OSM: variants seen among roughly 807,000 people sequenced by gnomAD.
OSM encodes oncostatin-M.
In OSM, 1 loss-of-function variant was observed where a neutral mutation model predicts 6.3. The ratio of observed to expected loss-of-function variants is 0.16; its 90% CI spans 0.06 to 0.76. The LOEUF is 0.76. OSM is among the 30% of genes least tolerant of loss of function. The pLI is 0.77. For missense variants in OSM, 324 were observed against 336.9 expected, an observed-to-expected ratio of 0.96 and a Z score of 0.30; for synonymous variants, 135 against 143.4, an observed-to-expected ratio of 0.94 and a Z score of 0.42.
chr22:30,263,752 A>C lies in OSM; in HGVS notation c.*131T>G. On this transcript the variant is annotated 3_prime_UTR_variant, in exon 3 of 3. Transcript: ENST00000215781. ...GGGGTCTGCCCAGCTCCCACCTCTT[A>C]AAGTGCACTTCTCAGTGGCTAGTAG... The C allele has an allele frequency of 1.5e-6, 1 of 659,466 alleles. No individual in the cohort carries two copies. The highest frequency in any genetic ancestry group is 2.8e-5 in the East Asian group (1 of 35,948). 40.9% of individuals were successfully genotyped at this position (659,466 alleles called of 1,614,324 possible). A position where few individuals can be genotyped will look rare whatever the true frequency, so the allele number is the denominator to read the frequency against.
Position 30,266,810 on chromosome 22 carries a change from C to A in OSM, c.-11G>T. On this transcript the variant is annotated 5_prime_UTR_variant, in exon 1 of 3. Coordinates refer to ENST00000215781, the MANE Select transcript of OSM (RefSeq NM_020530.6). The surrounding 1 kb of genome is among the most constrained non-coding windows in gnomAD (Gnocchi z 5.0). ...GAGCAGTACCCCCATGCTGGGTGCC[C>A]GTGCTCCGGCCCGCGCCCGCTGGGG... 6.2e-7 allele frequency: 1 copy of A among 1,610,848 alleles called. No individual in the cohort carries two copies. Among genetic ancestry groups the A allele is most frequent in the Non-Finnish European group, 8.5e-7 (1 of 1,178,220 alleles).
Position 30,266,265 on chromosome 22 carries a change from G to A in OSM, c.34+501C>T, listed in dbSNP as rs1929390106. ...CATGTGGGGGTTCCTGGGCTGGTGA[G>A]ATCCAGGGCTGTAGATGACGTCATA... On this transcript the variant is annotated intron_variant, in intron 1 of 2. Transcript: ENST00000215781. The surrounding 1 kb of genome is among the most constrained non-coding windows in gnomAD (Gnocchi z 5.0). Among the ~76,000 whole-genome samples the A allele has an allele frequency of 6.6e-6, 1 of 152,212 alleles. No homozygotes were observed. The highest frequency in any genetic ancestry group is 2.1e-4 in the South Asian group (1 of 4,832).
rs535974271 is a variant in OSM at position 30,266,049 on chromosome 22, G to A, written c.34+717C>T. Among the ~76,000 whole-genome samples, 87 of 152,380 alleles carry A rather than the reference G, an allele frequency of 5.7e-4. 1 individual carries two copies. The highest frequency in any genetic ancestry group is 3.5e-3 in the South Asian group (17 of 4,830). ...AAGACTGGCTGTTGGGGAGGGCCAA[G>A]GGGCCAGGCACCCAGGCTTAGCGAC... is the stretch of plus-strand genomic sequence containing the variant. On this transcript the variant is annotated intron_variant, in intron 1 of 2. Coordinates refer to ENST00000215781, the MANE Select transcript of OSM (RefSeq NM_020530.6). The surrounding 1 kb of genome is among the most constrained non-coding windows in gnomAD (Gnocchi z 5.0).
Position 30,263,987 on chromosome 22 carries a change from T to C in OSM, c.655A>G (p.Ser219Gly). ...FSKWGESPNRSRRHSPHQALR... is the reference protein window; with the variant it reads ...FSKWGESPNRGRRHSPHQALR... ...GCCTGGTGGGGGCTGTGTCTCCGGC[T>C]CCGGTTCGGGCTCTCCCCCCACTTG... Residue 219 changes from serine to glycine, a missense_variant, in exon 3 of 3, where the codon AGC (serine) becomes GGC (glycine). By Grantham distance (56) the Ser-to-Gly change is moderately conservative. Transcript: ENST00000215781. 1 of 1,549,722 alleles carries C rather than the reference T, an allele frequency of 6.5e-7. No homozygotes were observed. Among genetic ancestry groups the C allele is most frequent in the Non-Finnish European group, 8.7e-7 (1 of 1,146,970 alleles).
Position 30,264,908 on chromosome 22 carries a change from G to A in OSM, c.177+94C>T, listed in dbSNP as rs577379973. The A allele has an allele frequency of 3.6e-5, 52 of 1,439,124 alleles. No homozygotes were observed. The East Asian group carries it at 9.2e-4, about 25-fold the overall frequency. 89.1% of individuals were successfully genotyped at this position (1,439,124 alleles called of 1,614,324 possible). On this transcript the variant is annotated intron_variant, in intron 2 of 2. Transcript: ENST00000215781. ...ACTCAGTTCCCCGACCTGGCCATAT[G>A]GAGTGGGGCTAGGCCTGTCCTCCCT...
Position 30,263,989 on chromosome 22 carries a change from C to T in OSM, c.653G>A (p.Arg218Gln), listed in dbSNP as rs1192189541. ...VFSKWGESPN[R>Q]SRRHSPHQAL... ...CTGGTGGGGGCTGTGTCTCCGGCTC[C>T]GGTTCGGGCTCTCCCCCCACTTGCT... Residue 218 changes from arginine to glutamine, a missense_variant, in exon 3 of 3, where the codon CGG becomes CAG. Arg to Gln is a conservative substitution (Grantham distance 43). Coordinates refer to ENST00000215781, the MANE Select transcript of OSM (RefSeq NM_020530.6). The T allele has an allele frequency of 5.2e-6, 8 of 1,549,952 alleles. No individual in the cohort carries two copies. The highest frequency in any genetic ancestry group is 3.5e-4 in the Middle Eastern group (2 of 5,734).
chr22:30,266,792 A>G lies in OSM; in HGVS notation c.8T>C (p.Val3Ala), dbSNP rs1601655068. The G allele has an allele frequency of 3.1e-6, 5 of 1,611,568 alleles. No homozygotes were observed. In the Admixed American group the frequency reaches 8.4e-5, roughly 27 times the overall value. Residue 3 changes from valine to alanine, a missense_variant, in exon 1 of 3, where the codon GTA becomes GCA. Physicochemically the swap from Val to Ala is moderately conservative, Grantham distance 64 (BLOSUM62 0). Coordinates refer to ENST00000215781, the MANE Select transcript of OSM (RefSeq NM_020530.6). The surrounding 1 kb of genome is among the most constrained non-coding windows in gnomAD (Gnocchi z 5.0). Reference protein sequence around the residue: MGVLLTQRTLLSL... With the variant: MGALLTQRTLLSL... ...GAGCAGCGTCCTCTGTGTGAGCAGT[A>G]CCCCCATGCTGGGTGCCCGTGCTCC...
At chr22:30,265,364 C>A in intron 1 of OSM, 3 of 985,494 alleles carry the variant, frequency 3.0e-6, no homozygotes, top group Non-Finnish European at 3.6e-6. Flanking sequence ...GGGCCTGACA[C>A]AGCAAGCAGT....
Position 30,263,839 on chromosome 22 carries a change from A to G in OSM, c.*44T>C. ...TCCTGCGATGGTTCCTCTCATCCACAGAGCACCTGCCGCATCCTTCACCGG... is the reference window on the plus strand; with the variant it reads ...TCCTGCGATGGTTCCTCTCATCCACGGAGCACCTGCCGCATCCTTCACCGG... On this transcript the variant is annotated 3_prime_UTR_variant, in exon 3 of 3. Transcript: ENST00000215781. The G allele has an allele frequency of 7.0e-7, 1 of 1,434,888 alleles. No individual in the cohort carries two copies. Among genetic ancestry groups the G allele is most frequent in the Non-Finnish European group, 9.3e-7 (1 of 1,079,610 alleles). The allele number at this position is 1,434,888 out of a possible 1,614,324, so 88.9% of individuals were successfully genotyped here.
Position 30,263,991 on chromosome 22 carries a change from G to C in OSM, c.651C>G (p.Asn217Lys). The C allele has an allele frequency of 6.4e-7, 1 of 1,553,274 alleles. No homozygotes were observed. The highest frequency in any genetic ancestry group is 1.2e-5 in the South Asian group (1 of 80,978). Residue 217 changes from asparagine to lysine, a missense_variant, in exon 3 of 3, where the codon AAC becomes AAG. By Grantham distance (94) the Asn-to-Lys change is moderately conservative. Coordinates refer to ENST00000215781, the MANE Select transcript of OSM (RefSeq NM_020530.6). ...GGTGGGGGCTGTGTCTCCGGCTCCG[G>C]TTCGGGCTCTCCCCCCACTTGCTGA... ...RVFSKWGESP[N>K]RSRRHSPHQA...
Position 30,264,032 on chromosome 22 carries a change from A to G in OSM, c.610T>C (p.Ser204Pro), listed in dbSNP as rs1310456129. 1 of 1,569,910 alleles carries G rather than the reference A, an allele frequency of 6.4e-7. No homozygotes were observed. Among genetic ancestry groups the G allele is most frequent in the Non-Finnish European group, 8.7e-7 (1 of 1,155,146 alleles). ...FLHGYHRFMH[S>P]VGRVFSKWGE... ...CACTTGCTGAAGACCCGCCCCACTG[A>G]GTGCATGAAGCGATGGTAGCCATGC... The change falls in exon 3 of 3, where the codon TCA becomes CCA. Residue 204 changes from serine (S) to proline (P), a missense_variant. By Grantham distance (74) the Ser-to-Pro change is moderately conservative. Transcript: ENST00000215781.
rs1929290943 is a variant in OSM, at chr22:30,263,420, TGGTTTGG to T, written c.*456_*462del. On this transcript the variant is annotated 3_prime_UTR_variant, in exon 3 of 3. Transcript: ENST00000215781. ...GAGGTCACCCAGACATCCAGGTGTC[TGGTTTGG>T]GACATGATGAGGCATAGGAGGCCAG... 6.3e-6 allele frequency: 1 copy of T among 158,684 alleles called. No homozygotes were observed. The highest frequency in any genetic ancestry group is 2.0e-4 in the South Asian group (1 of 4,914). The allele number at this position is 158,684 out of a possible 1,614,324, so 9.8% of individuals were successfully genotyped here. A position where few individuals can be genotyped will look rare whatever the true frequency, so the allele number is the denominator to read the frequency against.
rs774656058 is a variant in OSM, at chr22:30,266,785, G to C, written c.15C>G (p.Leu5=). 5 of 1,613,156 alleles carry C rather than the reference G, an allele frequency of 3.1e-6. No individual in the cohort carries two copies. In the Admixed American group the frequency reaches 8.3e-5, roughly 27 times the overall value. MGVL[L]TQRTLLSLVL... ...ACTTACTGAGCAGCGTCCTCTGTGT[G>C]AGCAGTACCCCCATGCTGGGTGCCC... is the stretch of plus-strand genomic sequence containing the variant. The change falls in exon 1 of 3, where the codon CTC becomes CTG. Residue 5 remains leucine (L), a synonymous_variant. Coordinates refer to ENST00000215781, the MANE Select transcript of OSM (RefSeq NM_020530.6). The surrounding 1 kb of genome is among the most constrained non-coding windows in gnomAD (Gnocchi z 5.0).
At chr22:30,265,233 G>A in intron 1 of OSM, 89 bp from the exon 2 acceptor site, 1 of 1,538,012 alleles carries the variant, frequency 6.5e-7, no homozygotes, top group Non-Finnish European at 8.8e-7. Flanking sequence ...GGCCTTGAAA[G>A]GTGCCTCCTT....
At position 30,263,630 on chromosome 22, in the gene OSM, G is replaced by A. The variant is rs202039863; in HGVS notation, c.*253C>T. 2.5e-5 allele frequency: 10 copies of A among 406,840 alleles called. No individual in the cohort carries two copies. Among genetic ancestry groups the A allele is most frequent in the Non-Finnish European group, 4.3e-5 (10 of 230,216 alleles). The allele number at this position is 406,840 out of a possible 1,614,324, so 25.2% of individuals were successfully genotyped here. A position where few individuals can be genotyped will look rare whatever the true frequency, so the allele number is the denominator to read the frequency against. On this transcript the variant is annotated 3_prime_UTR_variant, in exon 3 of 3. Transcript: ENST00000215781. ...CCTGAATCAATGGAAAGTCGGTCCC[G>A]CGTGGCCCGCCCGGCCACCCCACTG...
At position 30,263,441 on chromosome 22, in the gene OSM, A is replaced by T; in HGVS notation, c.*442T>A. On this transcript the variant is annotated 3_prime_UTR_variant, in exon 3 of 3. Coordinates refer to ENST00000215781, the MANE Select transcript of OSM (RefSeq NM_020530.6). Reference sequence around the variant, plus strand: ...TGTCTGGTTTGGGACATGATGAGGCATAGGAGGCCAGCTCAGGCTGTGACC... The same window carrying T: ...TGTCTGGTTTGGGACATGATGAGGCTTAGGAGGCCAGCTCAGGCTGTGACC... 1 of 164,708 alleles carries T rather than the reference A, an allele frequency of 6.1e-6. No individual in the cohort carries two copies. Among genetic ancestry groups the T allele is most frequent in the Non-Finnish European group, 1.3e-5 (1 of 76,860 alleles). 10.2% of individuals were successfully genotyped at this position (164,708 alleles called of 1,614,324 possible).
chr22:30,264,392 C>T lies in OSM; in HGVS notation c.250G>A (p.Glu84Lys), dbSNP rs1929334842. ...CTGCCCAGCCCCCTCAGGGTCTCCT[C>T]ACTGGGGAAGGCCCCGGGGCGCTCC... is the stretch of plus-strand genomic sequence containing the variant. ...CRERPGAFPS[E>K]ETLRGLGRRG... The change falls in exon 3 of 3, where the codon GAG becomes AAG. Residue 84 changes from glutamate to lysine, a missense_variant. Physicochemically the swap from Glu to Lys is moderately conservative, Grantham distance 56 (BLOSUM62 1). Coordinates refer to ENST00000215781, the MANE Select transcript of OSM (RefSeq NM_020530.6). The T allele has an allele frequency of 6.2e-7, 1 of 1,614,098 alleles. No homozygotes were observed. The highest frequency in any genetic ancestry group is 2.2e-5 in the East Asian group (1 of 44,892).
chr22:30,263,632 G>A lies in OSM; in HGVS notation c.*251C>T, dbSNP rs1390992441. On this transcript the variant is annotated 3_prime_UTR_variant, in exon 3 of 3. Transcript: ENST00000215781. ...TGAATCAATGGAAAGTCGGTCCCGC[G>A]TGGCCCGCCCGGCCACCCCACTGGG... 9.8e-6 allele frequency: 4 copies of A among 407,720 alleles called. No individual in the cohort carries two copies. Among genetic ancestry groups the A allele is most frequent in the Non-Finnish European group, 1.3e-5 (3 of 230,732 alleles). 25.3% of individuals were successfully genotyped at this position (407,720 alleles called of 1,614,324 possible).
chr22:30,265,002 A>G lies in OSM; in HGVS notation c.177T>C (p.Tyr59=). 1.2e-6 allele frequency: 2 copies of G among 1,613,782 alleles called. No homozygotes were observed. Among genetic ancestry groups the G allele is most frequent in the Non-Finnish European group, 1.7e-6 (2 of 1,179,736 alleles). The change falls in exon 2 of 3, where the codon TAT becomes TAC. Residue 59 remains tyrosine (Y), a splice_region_variant and synonymous_variant. Transcript: ENST00000215781. ...MQDTSRLLDP[Y]IRIQGLDVPK... is the part of the protein sequence containing the mutation. ...ATGCCACAAGGGCCCAGGTGCTTAC[A>G]TAGGGGTCCAGGAGTCTGCTGGTGT...
Sources: gnomAD v4.1 joint callset for allele counts (sites outside exome capture counted in the v4.1 genomes callset) on GRCh38, gnomAD v4.1.1 for gene constraint, Gnocchi (gnomAD v3.1) non-coding constraint, MANE v1.5 for transcripts, NCBI Gene and HGNC (gene_info 2026-07-23, HGNC 2026-07-21) for gene names.